The following ABCG1 variants were observed in gnomAD, a reference collection of about 807,000 sequenced individuals.
ABCG1 encodes ATP binding cassette subfamily G member 1.
ABCG1 carries 29 observed loss-of-function variants against 69.2 expected under a neutral mutation model. The observed-to-expected ratio is 0.42, with a 90% CI of 0.31 to 0.57. The LOEUF is 0.57. Ranked by LOEUF, ABCG1 falls within the 20% of genes least tolerant of loss-of-function variation. The pLI is 0.15. For synonymous variants in ABCG1, 370 were observed against 374.8 expected, an observed-to-expected ratio of 0.99 and a Z score of 0.15; for missense variants, 718 against 898.1, an observed-to-expected ratio of 0.80 and a Z score of 2.56.
chr21:42,294,736 C>A, intron 14 of ABCG1, 76 bp downstream of exon 14: 1 of 1,331,534 alleles, frequency 7.5e-7, no homozygotes, highest in Non-Finnish European at 1.1e-6. Flanking sequence ...GCGTGAGGGG[C>A]TCACAAAAGC....
At chr21:42,226,069 C>A (rs1465473506) in intron 2 of ABCG1, among the ~76,000 whole-genome samples, 155 bp downstream of exon 2, 1 of 152,106 alleles carries the variant, frequency 6.6e-6, no homozygotes, top group Non-Finnish European at 1.5e-5. Flanking sequence ...TTGCTTTCTG[C>A]CTGAATTTTC....
chr21:42,294,901 G>T, intron 14 of ABCG1: 1 of 515,402 alleles, frequency 1.9e-6, no homozygotes, highest in African/African-American at 1.9e-5. Context: ...AGCCATGGCA[G>T]GACCAAGTGT....
intron 2 of ABCG1, among the ~76,000 whole-genome samples, chr21:42,265,128 C>T (rs1443270278): frequency 3.3e-5 from 5 of 152,190 alleles, no homozygotes; most frequent in East Asian, 3.8e-4. Flanking sequence ...CAGCTGTGCT[C>T]GGGCAGGGCT....
chr21:42,270,734 C>T (rs555647846), intron 2 of ABCG1, among the ~76,000 whole-genome samples: 75 of 152,126 alleles, frequency 4.9e-4, no homozygotes, highest in Non-Finnish European at 9.3e-4. Context: ...TTGGGCAGGT[C>T]ACCTGGGCCC....
chr21:42,246,013 G>T (rs1310149828), intron 2 of ABCG1, among the ~76,000 whole-genome samples: 1 of 152,216 alleles, frequency 6.6e-6, no homozygotes, highest in African/African-American at 2.4e-5. Context: ...TCCTAGAGAG[G>T]TGGGGGCAGG....
At chr21:42,250,028 G>A (rs1231560505) in intron 2 of ABCG1, among the ~76,000 whole-genome samples, 1 of 151,742 alleles carries the variant, frequency 6.6e-6, no homozygotes, top group Non-Finnish European at 1.5e-5. Context: ...AAGTGAGAGG[G>A]GGATGAAGAG....
At chr21:42,251,853 C>T (rs2068226784) in intron 2 of ABCG1, among the ~76,000 whole-genome samples, 1 of 152,234 alleles carries the variant, frequency 6.6e-6, no homozygotes, top group Non-Finnish European at 1.5e-5. Flanking sequence ...AAGTCATGTG[C>T]AGGCCCAAAG....
At chr21:42,216,119 T>C (rs2067636760), upstream of ABCG1, 1 of 451,142 alleles carries the variant, frequency 2.2e-6, no homozygotes, top group Admixed American at 2.4e-5. Context: ...CTCTCTCTTG[T>C]CTGCCGCCAT....
Position 42,291,116 on chromosome 21 carries a change from T to C in ABCG1, c.1418T>C (p.Leu473Pro). 1 of 1,614,166 alleles carries C rather than the reference T, an allele frequency of 6.2e-7. No individual in the cohort carries two copies. Among genetic ancestry groups the C allele is most frequent in the Non-Finnish European group, 8.5e-7 (1 of 1,179,996 alleles). ...GTTCCCCTGGAGATGGGAGTCTTTC[T>C]TCGGGAACACCTGAACTACTGGTAC... ...LTFPLEMGVF[L>P]REHLNYWYSL... Residue 473 changes from leucine (L) to proline (P), a missense_variant, in exon 12 of 15, where the codon CTT becomes CCT. Around this residue, in one of 2 missense-constraint regions of ABCG1, gnomAD observed 204 missense variants for 323.8 expected, o/e 0.63. Coordinates refer to ENST00000398449, the MANE Select transcript of ABCG1 (RefSeq NM_016818.3). This position sits in a 1 kb window ranked among gnomAD's most constrained non-coding sequence, Gnocchi z 6.4.
At chr21:42,223,224 C>G (rs2067759097) in intron 1 of ABCG1, among the ~76,000 whole-genome samples, 1 of 152,196 alleles carries the variant, frequency 6.6e-6, no homozygotes, top group South Asian at 2.1e-4. Flanking sequence ...GCTGGTGGGA[C>G]TTTGTCTATG....
chr21:42,203,491 C>T (rs573504337), intron 2 of ABCG1, among the ~76,000 whole-genome samples: 14 of 151,950 alleles, frequency 9.2e-5, no homozygotes, highest in Non-Finnish European at 1.2e-4. Flanking sequence ...TTTTTCTGCC[C>T]GTGGATACCC....
chr21:42,247,641 G>C (rs558006525), intron 2 of ABCG1, among the ~76,000 whole-genome samples: 1 of 152,214 alleles, frequency 6.6e-6, no homozygotes, highest in African/African-American at 2.4e-5. Flanking sequence ...CTCAGAACCT[G>C]TAAATGTGAC....
At chr21:42,201,588 C>T in exon 2 of ABCG1, 2 of 1,544,940 alleles carry the variant, frequency 1.3e-6, no homozygotes, top group Non-Finnish European at 8.7e-7. Context: ...GCTACACCAA[C>T]CTGAACTTCG....
intron 2 of ABCG1, among the ~76,000 whole-genome samples, chr21:42,232,958 G>A (rs902008259): frequency 4.6e-5 from 7 of 152,180 alleles, no homozygotes; most frequent in Non-Finnish European, 5.9e-5. Flanking sequence ...GGACTAAACC[G>A]TAAAACTAGG....
chr21:42,267,874 G>T (rs1370934475), intron 2 of ABCG1, among the ~76,000 whole-genome samples: 2 of 119,130 alleles, frequency 1.7e-5, no homozygotes, highest in Non-Finnish European at 4.0e-5. Flanking sequence ...GTCTGGTCTG[G>T]GTTCTGTCTG....
chr21:42,215,677 A>G (rs2067631979), upstream of ABCG1, among the ~76,000 whole-genome samples: 1 of 152,220 alleles, frequency 6.6e-6, no homozygotes, highest in African/African-American at 2.4e-5. Context: ...AAAGTGGGAC[A>G]AAAGGGCGTC....
intron 2 of ABCG1, among the ~76,000 whole-genome samples, chr21:42,244,061 C>T (rs1300986542): frequency 2.0e-5 from 3 of 152,084 alleles, no homozygotes; most frequent in East Asian, 1.9e-4. Context: ...CCTCGTGATC[C>T]GCCCATCTCG....
At chr21:42,225,264 T>C (rs1601352589) in intron 1 of ABCG1, among the ~76,000 whole-genome samples, 2 of 152,324 alleles carry the variant, frequency 1.3e-5, no homozygotes. Flanking sequence ...AGTGTAAATA[T>C]AAGTTTCTCG....
chr21:42,265,353 A>G (rs1336505813), intron 2 of ABCG1, among the ~76,000 whole-genome samples: 3 of 152,214 alleles, frequency 2.0e-5, no homozygotes, highest in Admixed American at 6.5e-5. Context: ...CTTACTTGAA[A>G]CAGAGTCACT....
Sources: gnomAD v4.1 joint callset for allele counts (sites outside exome capture counted in the v4.1 genomes callset) on GRCh38, gnomAD v4.1.1 for gene constraint, gnomAD v4.1.1 regional missense constraint, Gnocchi (gnomAD v3.1) non-coding constraint, MANE v1.5 for transcripts, NCBI Gene and HGNC (gene_info 2026-07-23, HGNC 2026-07-21) for gene names.